CCDC33: variants seen among roughly 807,000 people sequenced by gnomAD.
CCDC33 encodes the protein coiled-coil domain containing 33.
CCDC33 carries 94 observed loss-of-function variants against 91.9 expected under a neutral mutation model. The ratio of observed to expected loss-of-function variants is 1.02; its 90% CI spans 0.87 to 1.21. The LOEUF is 1.21. Ranked by LOEUF, CCDC33 falls within the 50% of genes most tolerant of loss-of-function variation. CCDC33 has a pLI of 0.00. For missense variants in CCDC33, 940 were observed against 935.5 expected (o/e 1.00, Z -0.06); for synonymous variants, 396 against 374.5 (o/e 1.06, Z -0.66).
chr15:74,262,703 A>G, intron 3 of CCDC33, 130 bp downstream of exon 3: 1 of 949,614 alleles, frequency 1.1e-6, no homozygotes, highest in South Asian at 1.9e-5. Context: ...GCTCAGTTAA[A>G]AGCACTTAGA....
chr15:74,236,463 C>A lies in CCDC33; in HGVS notation c.-257C>A. On this transcript the variant is annotated 5_prime_UTR_variant, in exon 1 of 19. Coordinates refer to ENST00000398814, the MANE Select transcript of CCDC33 (RefSeq NM_025055.5). ...CCTCAACCCCCAAGGCCCTTCCACC[C>A]ACAGACCATCTCGCTGCTGAGAGAT... 2.1e-6 allele frequency: 1 copy of A among 471,744 alleles called. No homozygotes were observed. The highest frequency in any genetic ancestry group is 3.7e-6 in the Non-Finnish European group (1 of 267,768). 29.2% of individuals were successfully genotyped at this position (471,744 alleles called of 1,614,324 possible).
intron 17 of CCDC33, 146 bp from the exon 18 acceptor site, chr15:74,334,829 C>G: frequency 1.5e-6 from 1 of 689,238 alleles, no homozygotes; most frequent in Non-Finnish European, 2.6e-6. Context: ...CCCCGCCACC[C>G]CTGAGGTCTC....
chr15:74,232,432 A>C (rs1422942480), upstream of CCDC33, among the ~76,000 whole-genome samples: 1 of 152,134 alleles, frequency 6.6e-6, no homozygotes, highest in Non-Finnish European at 1.5e-5. Context: ...GGGAACAATG[A>C]CCATAACCTG....
At chr15:74,206,508 G>A (rs1454859217) in intron 1 of CCDC33, among the ~76,000 whole-genome samples, 1 of 152,212 alleles carries the variant, frequency 6.6e-6, no homozygotes, top group Non-Finnish European at 1.5e-5. Context: ...TTCTCCAAAG[G>A]CCTGGGCAGC....
rs773487437 is a variant in CCDC33, at chr15:74,295,768, C to G, written c.1110C>G (p.Phe370Leu). The G allele has an allele frequency of 1.2e-6, 2 of 1,612,594 alleles. No homozygotes were observed. Among genetic ancestry groups the G allele is most frequent in the South Asian group, 1.1e-5 (1 of 90,864 alleles). The change falls in exon 11 of 19, where the codon TTC becomes TTG. Residue 370 changes from phenylalanine to leucine, a missense_variant. Coordinates refer to ENST00000398814, the MANE Select transcript of CCDC33 (RefSeq NM_025055.5). Reference sequence around the variant, plus strand: ...TCTCTTCTCAGAGACCAGAAAACTTCTTGACACCAAACAACAGCAAGGCTC... The same window carrying G: ...TCTCTTCTCAGAGACCAGAAAACTTGTTGACACCAAACAACAGCAAGGCTC... ...QLLSSERPEN[F>L]LTPNNSKALP...
chr15:74,236,632 G>T lies in CCDC33; in HGVS notation c.-88G>T. ...CCAAGACGCCCAGGCCAGCTGTCTGGGCAGGACTGATTCCTGATCACCCAC... is the reference window on the plus strand; with the variant it reads ...CCAAGACGCCCAGGCCAGCTGTCTGTGCAGGACTGATTCCTGATCACCCAC... On this transcript the variant is annotated 5_prime_UTR_variant, in exon 1 of 19. Coordinates refer to ENST00000398814, the MANE Select transcript of CCDC33 (RefSeq NM_025055.5). 1 of 1,298,868 alleles carries T rather than the reference G, an allele frequency of 7.7e-7. No homozygotes were observed. Among genetic ancestry groups the T allele is most frequent in the East Asian group, 2.3e-5 (1 of 42,912 alleles). 80.5% of individuals were successfully genotyped at this position (1,298,868 alleles called of 1,614,324 possible).
In CCDC33 at chr15:74,242,862, C is replaced by A. The variant is rs182467023; in HGVS notation, c.22-1123C>A. On this transcript the variant is annotated intron_variant, in intron 1 of 18. Transcript: ENST00000398814. ...TGCCTCCCCAGTCAAACTGAGCCAC[C>A]TCTGGGCCTTGGAAAGCTCTGCCCC... is the stretch of plus-strand genomic sequence containing the variant. 2.0e-5 allele frequency among the ~76,000 whole-genome samples: 3 copies of A among 152,310 alleles called. No individual in the cohort carries two copies. The East Asian group carries it at 5.8e-4, about 29-fold the overall frequency.
intron 11 of CCDC33, among the ~76,000 whole-genome samples, chr15:74,323,425 T>C (rs2060244797): frequency 6.6e-6 from 1 of 152,046 alleles, no homozygotes; most frequent in South Asian, 2.1e-4. Flanking sequence ...ACCAGCATCC[T>C]CACGCCCCTC....
At chr15:74,225,618 G>A (rs910626736) in intron 2 of CCDC33, among the ~76,000 whole-genome samples, 4 of 151,758 alleles carry the variant, frequency 2.6e-5, no homozygotes, top group Admixed American at 6.6e-5. Context: ...ACACAGACTC[G>A]CACCTCCCTG....
intron 2 of CCDC33, among the ~76,000 whole-genome samples, chr15:74,229,230 C>T (rs921337022): frequency 4.6e-5 from 7 of 152,300 alleles, no homozygotes; most frequent in African/African-American, 7.2e-5. Flanking sequence ...CGGTGGCTCA[C>T]GTCTGTAATC....
At chr15:74,267,493 C>CCTCCGGGCCAGCACTGAA (rs2076198415) in intron 4 of CCDC33, among the ~76,000 whole-genome samples, 7 of 151,444 alleles carry the variant, frequency 4.6e-5, no homozygotes, top group African/African-American at 1.5e-4. Context: ...TGTCCTCCCT[C>CCTCCGGGCCAGCACTGAA]CTAGTGCTGA....
chr15:74,333,549 G>A (rs1441060781), intron 16 of CCDC33, among the ~76,000 whole-genome samples: 1 of 152,172 alleles, frequency 6.6e-6, no homozygotes, highest in Non-Finnish European at 1.5e-5. Context: ...TGAGGGATGA[G>A]GTCAACTGCC....
intron 2 of CCDC33, among the ~76,000 whole-genome samples, chr15:74,230,825 T>C (rs1164711271): frequency 6.6e-6 from 1 of 152,162 alleles, no homozygotes; most frequent in African/African-American, 2.4e-5. Flanking sequence ...GCTCTGCAGA[T>C]GAGGAATGGG....
Position 74,208,742 on chromosome 15 carries a change from C to T in CCDC33, n.90-646C>T, listed in dbSNP as rs182525879. ...CCACCGCACACCCCATGTGCCTTCT[C>T]GCTGTTCCCCGACCTGTTCCAATCC... On this transcript the variant is annotated intron_variant and non_coding_transcript_variant, in intron 1 of 3. Coordinates refer to the CCDC33 transcript ENST00000558645. 5.7e-4 allele frequency: 566 copies of T among 988,010 alleles called. 2 individuals carry two copies. The African/African-American group carries it at 8.1e-3, about 14-fold the overall frequency. The allele number at this position is 988,010 out of a possible 1,614,324, so 61.2% of individuals were successfully genotyped here.
At position 74,317,254 on chromosome 15, in the gene CCDC33, G is replaced by A. The variant is rs143262368; in HGVS notation, c.1291-12935G>A. Among the ~76,000 whole-genome samples, 536 of 152,242 alleles carry A rather than the reference G, an allele frequency of 3.5e-3. 6 individuals carry two copies. The highest frequency in any genetic ancestry group is 0.026 in the East Asian group (133 of 5,168). ...CAGGCACCTGTAGTCCCAGCTACTCGGGAGGCTGAGGCAGGAGAATGGCAT... is the reference window on the plus strand; with the variant it reads ...CAGGCACCTGTAGTCCCAGCTACTCAGGAGGCTGAGGCAGGAGAATGGCAT... On this transcript the variant is annotated intron_variant, in intron 11 of 18. Transcript: ENST00000398814.
chr15:74,320,266 T>A (rs2142811317), intron 11 of CCDC33, among the ~76,000 whole-genome samples: 1 of 152,202 alleles, frequency 6.6e-6, no homozygotes, highest in Admixed American at 6.5e-5. Context: ...CTTTGCTGCC[T>A]CCAAAGAGCC....
intron 2 of CCDC33, among the ~76,000 whole-genome samples, chr15:74,260,702 A>C (rs77329904): frequency 0.021 from 3,182 of 152,178 alleles, 109 homozygotes; most frequent in African/African-American, 0.073. Context: ...TGCTCTTTCC[A>C]GGATTCCACA....
chr15:74,239,024 TGGG>T (rs975630545), intron 1 of CCDC33, among the ~76,000 whole-genome samples: 8 of 152,344 alleles, frequency 5.3e-5, no homozygotes, highest in African/African-American at 1.7e-4. Flanking sequence ...AGAAGGAACA[TGGG>T]GGACCATTTT....
intron 11 of CCDC33, among the ~76,000 whole-genome samples, chr15:74,328,488 C>T (rs2060356248): frequency 6.6e-6 from 1 of 152,190 alleles, no homozygotes; most frequent in Non-Finnish European, 1.5e-5. Context: ...TGATCTGGGC[C>T]TGACTGCAAA....
Sources: allele counts gnomAD v4.1 joint callset (sites outside exome capture counted in the v4.1 genomes callset), GRCh38; gene constraint gnomAD v4.1.1; transcripts MANE v1.5; gene names NCBI Gene and HGNC (gene_info 2026-07-23, HGNC 2026-07-21).